Variants in ANKRD18A observed in about 807,000 individuals in gnomAD.
ANKRD18A encodes ankyrin repeat domain-containing protein 18A.
Under a neutral mutation model 110.6 loss-of-function variants are expected in ANKRD18A, and 72 were observed. The ratio of observed to expected loss-of-function variants is 0.65; its 90% CI spans 0.54 to 0.79. The LOEUF (loss-of-function observed/expected upper bound fraction) is 0.79, where lower values mean the gene tolerates loss of function less well. Ranked by LOEUF, ANKRD18A falls within the 30% of genes least tolerant of loss-of-function variation. The probability of loss-of-function intolerance (pLI) is 0.00; values close to 1 mark genes in which losing one functional copy is unlikely to be tolerated. For synonymous variants in ANKRD18A, 305 were observed against 410.3 expected, an observed-to-expected ratio of 0.74 and a Z score of 3.10; for missense variants, 934 against 1,163.3, an observed-to-expected ratio of 0.80 and a Z score of 2.87.
intron 1 of ANKRD18A, among the ~76,000 whole-genome samples, chr9:38,619,758 T>C (rs1340422447): frequency 6.6e-6 from 1 of 152,234 alleles, no homozygotes; most frequent in Non-Finnish European, 1.5e-5. Flanking sequence ...CAGGGTTTTA[T>C]CTGAGAACTC....
At chr9:38,611,899 A>G (rs1194294168) in intron 3 of ANKRD18A, among the ~76,000 whole-genome samples, 20 of 152,198 alleles carry the variant, frequency 1.3e-4, no homozygotes. Flanking sequence ...ACTTTGCCTA[A>G]TCTCAATTTG....
intron 15 of ANKRD18A, among the ~76,000 whole-genome samples, chr9:38,573,471 C>A (rs1823740871): frequency 6.6e-6 from 1 of 152,166 alleles, no homozygotes; most frequent in Non-Finnish European, 1.5e-5. Context: ...AATCCCAGCA[C>A]TTTGGGAGGC....
intron 12 of ANKRD18A, among the ~76,000 whole-genome samples, chr9:38,581,677 C>T (rs540865533): frequency 2.6e-5 from 4 of 152,160 alleles, no homozygotes; most frequent in Non-Finnish European, 4.4e-5. Flanking sequence ...CTTTACCTTA[C>T]TTCACGTTTG....
At chr9:38,583,111 T>G (rs2118693651) in intron 12 of ANKRD18A, among the ~76,000 whole-genome samples, 1 of 152,332 alleles carries the variant, frequency 6.6e-6, no homozygotes, top group East Asian at 1.9e-4. Context: ...AAAACCACCT[T>G]GTGGTATCAC....
intron 8 of ANKRD18A, among the ~76,000 whole-genome samples, chr9:38,598,419 C>T (rs1228681929): frequency 1.3e-5 from 2 of 152,174 alleles, no homozygotes; most frequent in East Asian, 3.9e-4. Flanking sequence ...CATAATTACA[C>T]ATTTAGATAA....
At chr9:38,580,062 A>G (rs1049113147) in intron 12 of ANKRD18A, among the ~76,000 whole-genome samples, 2 of 152,196 alleles carry the variant, frequency 1.3e-5, no homozygotes, top group Non-Finnish European at 2.9e-5. Flanking sequence ...TTAAGTGCAG[A>G]CACAGAAAGA....
At chr9:38,591,953 C>T (rs147193878) in intron 10 of ANKRD18A, among the ~76,000 whole-genome samples, 2 of 152,180 alleles carry the variant, frequency 1.3e-5, no homozygotes, top group Non-Finnish European at 1.5e-5. Context: ...GCTGAGCGCT[C>T]GGATTAAGGA....
At chr9:38,616,514 G>T (rs192090683) in intron 1 of ANKRD18A, among the ~76,000 whole-genome samples, 1 of 152,302 alleles carries the variant, frequency 6.6e-6, no homozygotes, top group Non-Finnish European at 1.5e-5. Flanking sequence ...GTGCAATGGT[G>T]TATTTATACC....
In ANKRD18A at chr9:38,610,371, A is replaced by C; in HGVS notation, c.642T>G (p.Ser214Arg). ...TTTGTTGAAGCAGGAGGGTGACGAT[A>C]CTTGACAAGTTATGCTGTACTGCAA... ...LILAVQHNLS[S>R]IVTLLLQQNI... The change falls in exon 5 of 16, where the codon AGT (serine) becomes AGG (arginine). Residue 214 changes from serine to arginine, a missense_variant. By Grantham distance (110) the Ser-to-Arg change is moderately radical (BLOSUM62 -1). This residue lies in a region of ANKRD18A where 630 missense variants were observed against 797.5 expected (regional missense o/e 0.79). Transcript: ENST00000399703. 6.4e-7 allele frequency: 1 copy of C among 1,550,690 alleles called. No individual in the cohort carries two copies. Among genetic ancestry groups the C allele is most frequent in the Non-Finnish European group, 8.7e-7 (1 of 1,146,688 alleles).
intron 1 of ANKRD18A, 84 bp downstream of exon 1, chr9:38,619,996 A>T: frequency 6.7e-7 from 1 of 1,492,350 alleles, no homozygotes; most frequent in Non-Finnish European, 8.9e-7. Context: ...GGCGCCCTCC[A>T]AGGTCCCCGC....
At chr9:38,594,659 C>T (rs1824797458) in intron 9 of ANKRD18A, among the ~76,000 whole-genome samples, 1 of 152,074 alleles carries the variant, frequency 6.6e-6, no homozygotes, top group Admixed American at 6.6e-5. Context: ...TATTTTCAGA[C>T]TTAAGTCACA....
chr9:38,566,205 A>G, the ANKRD18A span: 3 of 152,250 alleles, frequency 2.0e-5, no homozygotes, highest in African/African-American at 7.2e-5. Flanking sequence ...AAATACAATC[A>G]TGCCTTGCCA....
downstream of ANKRD18A, chr9:38,568,876 C>T (rs10973910): frequency 0.29 from 285,540 of 985,234 alleles, 43,614 homozygotes; most frequent in African/African-American, 0.53. Flanking sequence ...ATGGATCTCG[C>T]TCCCCAGCAG....
chr9:38,567,230 C>T (rs1823503112), downstream of ANKRD18A: 1 of 152,228 alleles, frequency 6.6e-6, no homozygotes, highest in Non-Finnish European at 1.5e-5. Flanking sequence ...GCCATATTAA[C>T]TGTTTCCTAC....
At chr9:38,591,048 T>C (rs1028140257) in intron 10 of ANKRD18A, among the ~76,000 whole-genome samples, 36 of 151,978 alleles carry the variant, frequency 2.4e-4, no homozygotes, top group Non-Finnish European at 4.7e-4. Context: ...GCAGCCTTGA[T>C]ATTCTGAGCT....
At chr9:38,579,115 T>C (rs1186967668) in intron 12 of ANKRD18A, among the ~76,000 whole-genome samples, 3 of 152,182 alleles carry the variant, frequency 2.0e-5, no homozygotes, top group Non-Finnish European at 4.4e-5. Context: ...TTCAAATGAA[T>C]AGCGCTGGGA....
At chr9:38,614,295 CG>C (rs1349465365) in intron 3 of ANKRD18A, among the ~76,000 whole-genome samples, 3 of 132,418 alleles carry the variant, frequency 2.3e-5, no homozygotes, top group African/African-American at 8.5e-5. Context: ...TTAGTAGAGA[CG>C]GGGTTTCACC....
At chr9:38,591,326 T>C (rs1200042792) in intron 10 of ANKRD18A, among the ~76,000 whole-genome samples, 1 of 152,120 alleles carries the variant, frequency 6.6e-6, no homozygotes, top group East Asian at 1.9e-4. Context: ...AAGGGCTGGG[T>C]CTGAATCCCA....
chr9:38,568,858 CT>C (rs766060950), downstream of ANKRD18A: 223 of 985,306 alleles, frequency 2.3e-4, 1 homozygote, highest in Non-Finnish European at 2.6e-4. Flanking sequence ...GGCCAGGACC[CT>C]TTAGGTATGG....
Sources: allele counts gnomAD v4.1 joint callset (sites outside exome capture counted in the v4.1 genomes callset), GRCh38; gene constraint gnomAD v4.1.1; regional missense constraint gnomAD v4.1.1; transcripts MANE v1.5; gene names NCBI Gene and HGNC (gene_info 2026-07-23, HGNC 2026-07-21).